MRTFA: variants seen among roughly 807,000 people sequenced by gnomAD.
The protein encoded by MRTFA is myocardin-related transcription factor A.
Under a neutral mutation model 83.5 loss-of-function variants are expected in MRTFA, and 20 were observed. That is an observed-to-expected ratio of 0.24 (90% CI 0.17 to 0.35). The LOEUF (loss-of-function observed/expected upper bound fraction) is 0.35, where lower values mean the gene tolerates loss of function less well. Ranked by LOEUF, MRTFA falls within the 10% of genes least tolerant of loss-of-function variation. The pLI is 1.00. For missense variants in MRTFA, 1,200 were observed against 1,224.7 expected (o/e 0.98, Z 0.30); for synonymous variants, 659 against 541.2 (o/e 1.22, Z -3.02).
intron 4 of MRTFA, among the ~76,000 whole-genome samples, chr22:40,459,992 G>T (rs2053681870): frequency 6.6e-6 from 1 of 151,612 alleles, no homozygotes. Flanking sequence ...GCCTAGGCTG[G>T]AGTGCGGTGG....
intron 3 of MRTFA, among the ~76,000 whole-genome samples, chr22:40,527,514 T>C (rs1258361469): frequency 1.3e-5 from 2 of 151,872 alleles, no homozygotes; most frequent in African/African-American, 4.8e-5. Context: ...TCCCAGCACT[T>C]TGGGAGGCTG....
At chr22:40,448,032 C>T (rs1225649692) in intron 4 of MRTFA, among the ~76,000 whole-genome samples, 4 of 152,190 alleles carry the variant, frequency 2.6e-5, no homozygotes, top group Admixed American at 2.6e-4. Flanking sequence ...TTAGCTGGGG[C>T]TGGGCGTGGT....
intron 3 of MRTFA, among the ~76,000 whole-genome samples, chr22:40,512,285 C>T (rs1433639309): frequency 6.6e-6 from 1 of 152,172 alleles, no homozygotes; most frequent in Admixed American, 6.5e-5. Flanking sequence ...ATGAGCAATA[C>T]TAATTCTTAC....
chr22:40,605,378 A>G (rs1288142842), intron 1 of MRTFA, among the ~76,000 whole-genome samples: 1 of 152,228 alleles, frequency 6.6e-6, no homozygotes. Flanking sequence ...AGATATAGTG[A>G]TAAGGAAAGT....
chr22:40,497,836 G>C (rs2054381982), intron 3 of MRTFA, among the ~76,000 whole-genome samples: 1 of 150,962 alleles, frequency 6.6e-6, no homozygotes, highest in East Asian at 2.0e-4. Flanking sequence ...ATAAATATTA[G>C]TTTAAGATGT....
At chr22:40,584,607 A>T (rs2147365721) in intron 2 of MRTFA, among the ~76,000 whole-genome samples, 1 of 152,132 alleles carries the variant, frequency 6.6e-6, no homozygotes, top group South Asian at 2.1e-4. Context: ...GTGGTGGCAC[A>T]TGCCTGTAAT....
At chr22:40,567,288 T>C (rs1236275195) in intron 2 of MRTFA, among the ~76,000 whole-genome samples, 1 of 152,258 alleles carries the variant, frequency 6.6e-6, no homozygotes, top group Non-Finnish European at 1.5e-5. Flanking sequence ...ACTACAGGTA[T>C]GCTTTCCTTA....
At chr22:40,453,152 T>C (rs576897147) in intron 4 of MRTFA, among the ~76,000 whole-genome samples, 2 of 152,334 alleles carry the variant, frequency 1.3e-5, no homozygotes, top group South Asian at 4.1e-4. Context: ...GCTTCAACTC[T>C]AGGGATCAGG....
intron 3 of MRTFA, among the ~76,000 whole-genome samples, chr22:40,514,319 C>T (rs1030150664): frequency 1.3e-5 from 2 of 151,910 alleles, no homozygotes; most frequent in Non-Finnish European, 1.5e-5. Flanking sequence ...TCTGATTCAA[C>T]TCTGGGGAGA....
At chr22:40,476,265 T>C (rs866278689) in intron 3 of MRTFA, among the ~76,000 whole-genome samples, 3 of 152,024 alleles carry the variant, frequency 2.0e-5, no homozygotes, top group Non-Finnish European at 4.4e-5. Context: ...CCCCTACTAA[T>C]ATGCGCCCAC....
intron 3 of MRTFA, among the ~76,000 whole-genome samples, chr22:40,501,921 A>T (rs1421692870): frequency 1.4e-5 from 1 of 69,396 alleles, no homozygotes; most frequent in African/African-American, 6.7e-5. Flanking sequence ...ACTTCCCAGT[A>T]GGGGCGGCTG....
chr22:40,612,735 G>A (rs753860469), intron 1 of MRTFA, among the ~76,000 whole-genome samples: 21 of 152,160 alleles, frequency 1.4e-4, no homozygotes, highest in Admixed American at 1.1e-3. Context: ...ATCACTTGAG[G>A]CTAGGAGTTT....
chr22:40,566,800 C>T (rs2055710912), intron 2 of MRTFA, among the ~76,000 whole-genome samples: 1 of 151,962 alleles, frequency 6.6e-6, no homozygotes, highest in Non-Finnish European at 1.5e-5. Flanking sequence ...ACCACTGCAC[C>T]CTCGCTTGGG....
At chr22:40,494,190 T>C (rs577191762) in intron 3 of MRTFA, among the ~76,000 whole-genome samples, 167 of 152,322 alleles carry the variant, frequency 1.1e-3, no homozygotes, top group African/African-American at 3.9e-3. Context: ...CTATTGTCTC[T>C]GAAATAAAAA....
chr22:40,617,338 A>G (rs867645483), intron 1 of MRTFA, among the ~76,000 whole-genome samples: 12 of 152,136 alleles, frequency 7.9e-5, no homozygotes, highest in Non-Finnish European at 1.3e-4. Flanking sequence ...AGAGAAAACA[A>G]AAGGATTTAA....
At chr22:40,422,448 G>A (rs976008078) in intron 9 of MRTFA, among the ~76,000 whole-genome samples, 2 of 152,234 alleles carry the variant, frequency 1.3e-5, no homozygotes, top group Admixed American at 1.3e-4. Context: ...GGGAAAAGCA[G>A]GGACACCTGC....
chr22:40,521,445 A>C (rs1317433726), intron 3 of MRTFA, among the ~76,000 whole-genome samples: 1 of 152,084 alleles, frequency 6.6e-6, no homozygotes, highest in Non-Finnish European at 1.5e-5. Flanking sequence ...AAAACGTTTA[A>C]AGTTTGCCCC....
intron 3 of MRTFA, among the ~76,000 whole-genome samples, chr22:40,486,435 T>C (rs2054176121): frequency 6.6e-6 from 1 of 152,220 alleles, no homozygotes; most frequent in Non-Finnish European, 1.5e-5. Context: ...TGGTGACTGG[T>C]CTCAACAAAA....
chr22:40,524,539 A>G (rs1315704798), intron 3 of MRTFA, among the ~76,000 whole-genome samples: 1 of 152,216 alleles, frequency 6.6e-6, no homozygotes, highest in Non-Finnish European at 1.5e-5. Context: ...AATTTCAATA[A>G]GTCTTACAAA....
Sources: gnomAD v4.1 joint callset for allele counts (sites outside exome capture counted in the v4.1 genomes callset) on GRCh38, gnomAD v4.1.1 for gene constraint, MANE v1.5 for transcripts, NCBI Gene and HGNC (gene_info 2026-07-23, HGNC 2026-07-21) for gene names.